GPSM3: variants seen among roughly 807,000 people sequenced by gnomAD.
The protein encoded by GPSM3 is G protein-signaling modulator 3.
Under a neutral mutation model 20.4 loss-of-function variants are expected in GPSM3, and 16 were observed. That is an observed-to-expected ratio of 0.78 (90% CI 0.53 to 1.19). The LOEUF (loss-of-function observed/expected upper bound fraction) is 1.19, where lower values mean the gene tolerates loss of function less well. GPSM3 is among the 50% of genes most tolerant of loss of function. GPSM3 has a pLI of 0.00. For missense variants in GPSM3, 177 were observed against 204.6 expected (o/e 0.86, Z 0.82); for synonymous variants, 70 against 79.6 (o/e 0.88, Z 0.64).
At chr6:32,194,760 G>A (rs186315784), upstream of GPSM3, 267 of 225,636 alleles carry the variant, frequency 1.2e-3, 1 homozygote, top group African/African-American at 5.6e-3. This position sits in a 1 kb window ranked among gnomAD's most constrained non-coding sequence, Gnocchi z 4.5. Context: ...TCCAAATGCT[G>A]AGCCAAAAGC....
upstream of GPSM3, chr6:32,195,038 CAATA>C (rs1321341666): frequency 3.8e-6 from 1 of 262,436 alleles, no homozygotes; most frequent in African/African-American, 2.2e-5. This position sits in a 1 kb window ranked among gnomAD's most constrained non-coding sequence, Gnocchi z 5.4. Flanking sequence ...AGTAGGTGCC[CAATA>C]AATATTTGTC....
At position 32,192,207 on chromosome 6, in the gene GPSM3, G is replaced by A. The variant is rs1281296568; in HGVS notation, c.86C>T (p.Thr29Ile). The A allele has an allele frequency of 1.3e-6, 2 of 1,513,192 alleles. No individual in the cohort carries two copies. Among genetic ancestry groups the A allele is most frequent in the East Asian group, 4.6e-5 (2 of 43,606 alleles). 93.7% of individuals were successfully genotyped at this position (1,513,192 alleles called of 1,614,324 possible). Residue 29 changes from threonine to isoleucine, a missense_variant, in exon 2 of 4, where the codon ACC (threonine) becomes ATC (isoleucine). Transcript: ENST00000375040. This position sits in a 1 kb window ranked among gnomAD's most constrained non-coding sequence, Gnocchi z 5.1. Reference protein sequence around the residue: ...DEEGWPPPNSTTRPWRSAPPS... With the variant: ...DEEGWPPPNSITRPWRSAPPS... ...AGGAGCAGATCGCCAAGGCCGAGTG[G>A]TGGAGTTTGGAGGGGGCCAGCCTTC...
upstream of GPSM3, chr6:32,195,508 G>GTGA: frequency 6.2e-7 from 1 of 1,613,012 alleles, no homozygotes. The surrounding 1 kb of genome is among the most constrained non-coding windows in gnomAD (Gnocchi z 5.4). Context: ...TCAAGTTGAG[G>GTGA]TGATCCCCGC....
rs1438380988 is a variant in GPSM3 at position 32,192,071 on chromosome 6, A to G, written c.145+77T>C. The G allele has an allele frequency of 6.0e-6, 8 of 1,331,478 alleles. No homozygotes were observed. Among genetic ancestry groups the G allele is most frequent in the African/African-American group, 1.5e-5 (1 of 68,184 alleles). The allele number at this position is 1,331,478 out of a possible 1,614,324, so 82.5% of individuals were successfully genotyped here. A position where few individuals can be genotyped will look rare whatever the true frequency, so the allele number is the denominator to read the frequency against. ...TCTGGAGGAGGTGGGGAGAGGGCCC[A>G]CAATGGAGTGGGCCTTGGTAATGGG... On this transcript the variant is annotated intron_variant, in intron 2 of 3. Transcript: ENST00000375040. The surrounding 1 kb of genome is among the most constrained non-coding windows in gnomAD (Gnocchi z 5.1).
chr6:32,193,416 C>T (rs1787668562), upstream of GPSM3, among the ~76,000 whole-genome samples: 1 of 152,156 alleles, frequency 6.6e-6, no homozygotes. This position sits in a 1 kb window ranked among gnomAD's most constrained non-coding sequence, Gnocchi z 4.7. Flanking sequence ...AGGAGAATTG[C>T]TTGAACCCGG....
chr6:32,195,303 A>G, upstream of GPSM3: 1 of 804,756 alleles, frequency 1.2e-6, no homozygotes, highest in Non-Finnish European at 1.9e-6. This position sits in a 1 kb window ranked among gnomAD's most constrained non-coding sequence, Gnocchi z 5.4. Context: ...TCTGGTGGGC[A>G]TACATTCATT....
chr6:32,195,370 G>A (rs1007388429), upstream of GPSM3: 19 of 1,460,118 alleles, frequency 1.3e-5, 1 homozygote, highest in South Asian at 2.4e-4. The surrounding 1 kb of genome is among the most constrained non-coding windows in gnomAD (Gnocchi z 5.4). Flanking sequence ...CTTAAAACCA[G>A]GAAGGCCTTC....
chr6:32,192,082 G>A lies in GPSM3; in HGVS notation c.145+66C>T, dbSNP rs1178502308. The A allele has an allele frequency of 7.3e-7, 1 of 1,364,368 alleles. No homozygotes were observed. The highest frequency in any genetic ancestry group is 1.5e-5 in the African/African-American group (1 of 68,760). The allele number at this position is 1,364,368 out of a possible 1,614,324, so 84.5% of individuals were successfully genotyped here. A position where few individuals can be genotyped will look rare whatever the true frequency, so the allele number is the denominator to read the frequency against. On this transcript the variant is annotated intron_variant, in intron 2 of 3. Coordinates refer to ENST00000375040, the MANE Select transcript of GPSM3 (RefSeq NM_001276501.2). This position sits in a 1 kb window ranked among gnomAD's most constrained non-coding sequence, Gnocchi z 5.1. ...TGGGGAGAGGGCCCACAATGGAGTGGGCCTTGGTAATGGGGTCAGGATGTG... is the reference window on the plus strand; with the variant it reads ...TGGGGAGAGGGCCCACAATGGAGTGAGCCTTGGTAATGGGGTCAGGATGTG...
At position 32,191,277 on chromosome 6, in the gene GPSM3, G is replaced by A; in HGVS notation, c.*89C>T. ...TTTGTGCCGTGTCTTTCAGTCTCTG[G>A]TACCCCTGCCAAGCAAGAGTTGAGG... On this transcript the variant is annotated 3_prime_UTR_variant, in exon 4 of 4. Coordinates refer to ENST00000375040, the MANE Select transcript of GPSM3 (RefSeq NM_001276501.2). This position sits in a 1 kb window ranked among gnomAD's most constrained non-coding sequence, Gnocchi z 5.9. The A allele has an allele frequency of 6.9e-7, 1 of 1,441,100 alleles. No individual in the cohort carries two copies. The highest frequency in any genetic ancestry group is 9.3e-7 in the Non-Finnish European group (1 of 1,069,946). The allele number at this position is 1,441,100 out of a possible 1,614,324, so 89.3% of individuals were successfully genotyped here. A position where few individuals can be genotyped will look rare whatever the true frequency, so the allele number is the denominator to read the frequency against.
At chr6:32,195,356 C>G (rs933402448), upstream of GPSM3, 1 of 1,330,946 alleles carries the variant, frequency 7.5e-7, no homozygotes, top group African/African-American at 1.5e-5. This position sits in a 1 kb window ranked among gnomAD's most constrained non-coding sequence, Gnocchi z 5.4. Flanking sequence ...TTTGGGGGAT[C>G]CATCTTAAAA....
At chr6:32,195,266 C>T (rs981012171), upstream of GPSM3, 1 of 649,702 alleles carries the variant, frequency 1.5e-6, no homozygotes. The surrounding 1 kb of genome is among the most constrained non-coding windows in gnomAD (Gnocchi z 5.4). Context: ...TCCAGAGCTG[C>T]AGCTTCTCCA....
chr6:32,192,126 C>A lies in GPSM3; in HGVS notation c.145+22G>T. The A allele has an allele frequency of 6.7e-7, 1 of 1,497,998 alleles. No homozygotes were observed. The highest frequency in any genetic ancestry group is 1.3e-5 in the South Asian group (1 of 74,136). 92.8% of individuals were successfully genotyped at this position (1,497,998 alleles called of 1,614,324 possible). A position where few individuals can be genotyped will look rare whatever the true frequency, so the allele number is the denominator to read the frequency against. ...GGATGTGGGCACTAGGGTCGGGGCT[C>A]TCCCTGGGTGGGTAGGGGTACCTGT... On this transcript the variant is annotated intron_variant, in intron 2 of 3. Coordinates refer to ENST00000375040, the MANE Select transcript of GPSM3 (RefSeq NM_001276501.2). The surrounding 1 kb of genome is among the most constrained non-coding windows in gnomAD (Gnocchi z 5.1).
Position 32,192,439 on chromosome 6 carries a change from G to A in GPSM3, c.42+33C>T. On this transcript the variant is annotated intron_variant, in intron 1 of 3. Coordinates refer to ENST00000375040, the MANE Select transcript of GPSM3 (RefSeq NM_001276501.2). This position sits in a 1 kb window ranked among gnomAD's most constrained non-coding sequence, Gnocchi z 5.1. ...GTCCTCTCACCTCCCTTCTTTCCCA[G>A]TGTCAGCCTCCCCAACCCCGTGCCC... The A allele has an allele frequency of 6.4e-7, 1 of 1,574,078 alleles. No individual in the cohort carries two copies. Among genetic ancestry groups the A allele is most frequent in the South Asian group, 1.2e-5 (1 of 86,106 alleles).
rs1255803044 is a variant in GPSM3 at position 32,190,886 on chromosome 6, G to A, written c.*480C>T. ...CAGCCCGTAAACCCCTCAGTCTCAGGGATCGGGGGTGCTGGTAGTGGGACT... is the reference window on the plus strand; with the variant it reads ...CAGCCCGTAAACCCCTCAGTCTCAGAGATCGGGGGTGCTGGTAGTGGGACT... On this transcript the variant is annotated 3_prime_UTR_variant, in exon 4 of 4. Transcript: ENST00000375040. 1.3e-5 allele frequency: 2 copies of A among 155,638 alleles called. No individual in the cohort carries two copies. The highest frequency in any genetic ancestry group is 2.8e-5 in the Non-Finnish European group (2 of 70,350). The allele number at this position is 155,638 out of a possible 1,614,324, so 9.6% of individuals were successfully genotyped here. A position where few individuals can be genotyped will look rare whatever the true frequency, so the allele number is the denominator to read the frequency against.
upstream of GPSM3, chr6:32,195,045 T>C (rs1239603260): frequency 7.6e-6 from 2 of 263,866 alleles, no homozygotes; most frequent in African/African-American, 4.3e-5. The surrounding 1 kb of genome is among the most constrained non-coding windows in gnomAD (Gnocchi z 5.4). Context: ...GCCCAATAAA[T>C]ATTTGTCAGC....
chr6:32,192,746 C>T (rs1787629668), upstream of GPSM3: 3 of 434,782 alleles, frequency 6.9e-6, no homozygotes, highest in African/African-American at 2.0e-5. This position sits in a 1 kb window ranked among gnomAD's most constrained non-coding sequence, Gnocchi z 5.1. Flanking sequence ...CAGTCTCTCT[C>T]GCCCCAGGGC....
chr6:32,194,385 A>G (rs2127456548), upstream of GPSM3: 1 of 152,316 alleles, frequency 6.6e-6, no homozygotes. This position sits in a 1 kb window ranked among gnomAD's most constrained non-coding sequence, Gnocchi z 4.5. Context: ...TGGTTTCAGG[A>G]TGAAACTGTT....
At position 32,192,122 on chromosome 6, in the gene GPSM3, G is replaced by T; in HGVS notation, c.145+26C>A. The T allele has an allele frequency of 6.7e-7, 1 of 1,491,596 alleles. No homozygotes were observed. Among genetic ancestry groups the T allele is most frequent in the Non-Finnish European group, 9.0e-7 (1 of 1,111,868 alleles). The allele number at this position is 1,491,596 out of a possible 1,614,324, so 92.4% of individuals were successfully genotyped here. A position where few individuals can be genotyped will look rare whatever the true frequency, so the allele number is the denominator to read the frequency against. The stretch of plus-strand genomic sequence containing the variant: ...GTCAGGATGTGGGCACTAGGGTCGG[G>T]GCTCTCCCTGGGTGGGTAGGGGTAC... On this transcript the variant is annotated intron_variant, in intron 2 of 3. Transcript: ENST00000375040. The surrounding 1 kb of genome is among the most constrained non-coding windows in gnomAD (Gnocchi z 5.1).
chr6:32,192,459 GTGCCC>G lies in GPSM3; in HGVS notation c.42+8_42+12del. 2 of 1,585,668 alleles carry G rather than the reference GTGCCC, an allele frequency of 1.3e-6. No homozygotes were observed. Among genetic ancestry groups the G allele is most frequent in the Admixed American group, 1.8e-5 (1 of 56,356 alleles). On this transcript the variant is annotated splice_region_variant and intron_variant, in intron 1 of 3. Transcript: ENST00000375040. The surrounding 1 kb of genome is among the most constrained non-coding windows in gnomAD (Gnocchi z 5.1). ...TCCCAGTGTCAGCCTCCCCAACCCCGTGCCCAGCTCACCTGCTCACCATCCTCTTC... is the reference window on the plus strand; with the variant it reads ...TCCCAGTGTCAGCCTCCCCAACCCCGAGCTCACCTGCTCACCATCCTCTTC...
Sources: allele counts gnomAD v4.1 joint callset (sites outside exome capture counted in the v4.1 genomes callset), GRCh38; gene constraint gnomAD v4.1.1; non-coding constraint Gnocchi (gnomAD v3.1); transcripts MANE v1.5; gene names NCBI Gene and HGNC (gene_info 2026-07-23, HGNC 2026-07-21).